Variants in MARCHF1 observed in about 807,000 individuals in gnomAD.
The protein encoded by MARCHF1 is membrane associated ring-CH-type finger 1.
A neutral mutation model predicts 54.2 loss-of-function variants in MARCHF1; 40 were observed. The observed-to-expected ratio is 0.74, with a 90% CI of 0.57 to 0.96. The LOEUF is 0.96. Among genes scored for constraint, MARCHF1 ranks in the 40% least tolerant of loss-of-function variants. The pLI is 0.00. For synonymous variants in MARCHF1, 236 were observed against 236.3 expected, an observed-to-expected ratio of 1.00 and a Z score of 0.01; for missense variants, 586 against 656.5, an observed-to-expected ratio of 0.89 and a Z score of 1.17.
At chr4:163,915,273 A>T (rs1040766286) in intron 3 of MARCHF1, among the ~76,000 whole-genome samples, 2 of 152,142 alleles carry the variant, frequency 1.3e-5, no homozygotes, top group African/African-American at 4.8e-5. Flanking sequence ...ATGATATGAT[A>T]AAAATGGCAC....
intron 1 of MARCHF1, among the ~76,000 whole-genome samples, chr4:164,181,323 T>C (rs1051791128): frequency 6.6e-6 from 1 of 152,216 alleles, no homozygotes; most frequent in Admixed American, 6.5e-5. Context: ...GTGTATCTTT[T>C]TGTATCATAT....
chr4:164,189,912 G>A lies in MARCHF1; in HGVS notation c.-322-78250C>T, dbSNP rs1227332033. On this transcript the variant is annotated intron_variant, in intron 1 of 9. Transcript: ENST00000514618. ...GAATGGTATTCTTCGAGTGACAGCT[G>A]AAGACAAGGGTACAGGGAACAAAAA... 12 of 1,574,548 alleles carry A rather than the reference G, an allele frequency of 7.6e-6. 1 individual carries two copies. Among genetic ancestry groups the A allele is most frequent in the South Asian group, 2.2e-5 (2 of 90,358 alleles).
intron 1 of MARCHF1, among the ~76,000 whole-genome samples, chr4:164,209,128 A>G (rs1731695245): frequency 6.6e-6 from 1 of 151,968 alleles, no homozygotes; most frequent in Non-Finnish European, 1.5e-5. Context: ...ATTTTTTTGC[A>G]TTAACATTAG....
At chr4:164,238,506 T>C (rs1732632883) in intron 1 of MARCHF1, among the ~76,000 whole-genome samples, 1 of 152,082 alleles carries the variant, frequency 6.6e-6, no homozygotes, top group Non-Finnish European at 1.5e-5. Flanking sequence ...ACTAATGTAG[T>C]AAATTTATAT....
intron 2 of MARCHF1, among the ~76,000 whole-genome samples, chr4:164,020,640 A>T (rs1205621602): frequency 6.6e-6 from 1 of 152,160 alleles, no homozygotes; most frequent in South Asian, 2.1e-4. Context: ...ACAACATATG[A>T]TCCAGGTAGG....
chr4:163,863,354 G>T (rs1037327814), intron 3 of MARCHF1, among the ~76,000 whole-genome samples: 2 of 152,058 alleles, frequency 1.3e-5, no homozygotes, highest in African/African-American at 4.8e-5. Context: ...TAAGCACTGT[G>T]CTCTAGTTCA....
At chr4:163,681,475 G>A (rs1744101279) in intron 5 of MARCHF1, among the ~76,000 whole-genome samples, 1 of 152,116 alleles carries the variant, frequency 6.6e-6, no homozygotes, top group South Asian at 2.1e-4. Context: ...ATCTTGAATT[G>A]TAGTTCCCAT....
intron 1 of MARCHF1, among the ~76,000 whole-genome samples, chr4:164,155,514 C>T (rs1160614635): frequency 1.5e-4 from 23 of 152,070 alleles, no homozygotes; most frequent in Admixed American, 1.5e-3. Flanking sequence ...AGTCTTGGTT[C>T]TCTACACACT....
At chr4:163,688,699 A>G (rs896825701) in intron 5 of MARCHF1, among the ~76,000 whole-genome samples, 1 of 152,142 alleles carries the variant, frequency 6.6e-6, no homozygotes, top group Non-Finnish European at 1.5e-5. Flanking sequence ...GAAAATCCAG[A>G]CGGAGAAAAT....
chr4:163,659,407 A>T (rs570541071), intron 5 of MARCHF1, among the ~76,000 whole-genome samples: 1 of 152,242 alleles, frequency 6.6e-6, no homozygotes, highest in African/African-American at 2.4e-5. Context: ...TTAATTCAAG[A>T]TGGATTAAAG....
At chr4:164,005,094 C>T (rs574356440) in intron 2 of MARCHF1, among the ~76,000 whole-genome samples, 4 of 151,894 alleles carry the variant, frequency 2.6e-5, no homozygotes, top group Non-Finnish European at 4.4e-5. Context: ...AGTAAAAATA[C>T]TCTGTTACCA....
chr4:163,774,363 A>G (rs1747244098), intron 4 of MARCHF1, among the ~76,000 whole-genome samples: 1 of 152,178 alleles, frequency 6.6e-6, no homozygotes, highest in South Asian at 2.1e-4. Flanking sequence ...AGCATAATGA[A>G]GTGATTATCT....
intron 5 of MARCHF1, among the ~76,000 whole-genome samples, chr4:163,630,131 T>C (rs1025410602): frequency 2.6e-5 from 4 of 152,246 alleles, no homozygotes; most frequent in African/African-American, 4.8e-5. Flanking sequence ...TCATGATTCA[T>C]ACATGAATGT....
At chr4:163,837,475 G>T in intron 4 of MARCHF1, among the ~76,000 whole-genome samples, 1 of 152,094 alleles carries the variant, frequency 6.6e-6, no homozygotes, top group East Asian at 1.9e-4. Context: ...AGAGAAAAAT[G>T]TGTTAACAAC....
chr4:163,573,686 C>T (rs1739928292), intron 8 of MARCHF1, among the ~76,000 whole-genome samples: 1 of 151,748 alleles, frequency 6.6e-6, no homozygotes, highest in South Asian at 2.1e-4. Context: ...TGTATATGTG[C>T]CACATTTTCT....
intron 5 of MARCHF1, among the ~76,000 whole-genome samples, chr4:163,617,300 C>T (rs1409397482): frequency 3.3e-5 from 5 of 152,054 alleles, no homozygotes; most frequent in Non-Finnish European, 2.9e-5. Flanking sequence ...AAGAGGAAGA[C>T]ATTTTAGTGG....
Position 163,793,965 on chromosome 4 carries a change from G to A in MARCHF1, c.111+60056C>T, listed in dbSNP as rs1579291854. ...AATAAAGCCCTTCCTTCTTTAACTC[G>A]GTGTCTGAGGGGTTTTGTCTGAGGC... On this transcript the variant is annotated intron_variant, in intron 4 of 9. Transcript: ENST00000514618. Among the ~76,000 whole-genome samples the A allele has an allele frequency of 2.6e-5, 4 of 152,106 alleles. No individual in the cohort carries two copies. The South Asian group carries it at 6.2e-4, about 24-fold the overall frequency.
intron 2 of MARCHF1, among the ~76,000 whole-genome samples, chr4:164,014,336 A>T (rs1055829150): frequency 1.3e-5 from 2 of 152,154 alleles, no homozygotes; most frequent in African/African-American, 4.8e-5. Context: ...TATCGGTTCA[A>T]ACTAATTTGT....
chr4:163,699,008 CA>C (rs1450820447), intron 5 of MARCHF1, among the ~76,000 whole-genome samples: 3 of 152,106 alleles, frequency 2.0e-5, no homozygotes, highest in Non-Finnish European at 4.4e-5. Flanking sequence ...ATAAAAGAGG[CA>C]ACTGTGTCTC....
Sources: gnomAD v4.1 joint callset for allele counts (sites outside exome capture counted in the v4.1 genomes callset) on GRCh38, gnomAD v4.1.1 for gene constraint, MANE v1.5 for transcripts, NCBI Gene and HGNC (gene_info 2026-07-23, HGNC 2026-07-21) for gene names.